Variants in NAV2 observed in about 807,000 individuals in gnomAD.
The protein encoded by NAV2 is neuron navigator 2, also known as helicase, APC down-regulated 1.
In NAV2, 54 loss-of-function variants were observed where a neutral mutation model predicts 223.2. The observed-to-expected ratio is 0.24, with a 90% confidence interval of 0.19 to 0.30. NAV2 has a LOEUF of 0.30. NAV2 is among the 10% of genes least tolerant of loss of function. NAV2 has a pLI of 1.00. For synonymous variants in NAV2, 1,279 were observed against 1,239.3 expected (o/e 1.03, Z -0.67); for missense variants, 2,806 against 3,147.5 (o/e 0.89, Z 2.60).
chr11:19,354,060 T>C (rs1038356224), intron 1 of NAV2, among the ~76,000 whole-genome samples: 5 of 152,362 alleles, frequency 3.3e-5, no homozygotes, highest in Admixed American at 1.3e-4. Context: ...TAATCCCTTA[T>C]AGATGTATAT....
Position 19,933,503 on chromosome 11 carries a change from C to G in NAV2, c.1259C>G (p.Pro420Arg). The G allele has an allele frequency of 6.2e-7, 1 of 1,610,686 alleles. No individual in the cohort carries two copies. The highest frequency in any genetic ancestry group is 8.5e-7 in the Non-Finnish European group (1 of 1,178,606). The change falls in exon 7 of 38, where the codon CCG becomes CGG. Residue 420 changes from proline (P) to arginine (R), a missense_variant. Around this residue, in one of 4 missense-constraint regions of NAV2, gnomAD observed 1,167 missense variants for 1,180.5 expected, o/e 0.99. Coordinates refer to ENST00000349880, the MANE Select transcript of NAV2 (RefSeq NM_145117.5). This position sits in a 1 kb window ranked among gnomAD's most constrained non-coding sequence, Gnocchi z 4.3. Reference protein sequence around the residue: ...SKGGSKAGEGPGSRDTSCERL... With the variant: ...SKGGSKAGEGRGSRDTSCERL... Reference sequence around the variant, plus strand: ...GGGGGCTCAAAGGCAGGTGAGGGGCCGGGGTCCCGGGACACAAGCTGTGAG... The same window carrying G: ...GGGGGCTCAAAGGCAGGTGAGGGGCGGGGGTCCCGGGACACAAGCTGTGAG...
chr11:20,083,183 AGTCT>A lies in NAV2; in HGVS notation c.5498+13_5498+16del. ...GGAATTCTCACTCCAACTCTCTGTAAGTCTGTCTGTCTAGTCAGATAACATCTTT... is the reference window on the plus strand; with the variant it reads ...GGAATTCTCACTCCAACTCTCTGTAAGTCTGTCTAGTCAGATAACATCTTT... On this transcript the variant is annotated splice_donor_5th_base_variant and intron_variant, in intron 26 of 37. Transcript: ENST00000349880. The A allele has an allele frequency of 1.2e-6, 2 of 1,611,142 alleles. No homozygotes were observed. Among genetic ancestry groups the A allele is most frequent in the South Asian group, 2.2e-5 (2 of 90,370 alleles).
chr11:19,651,775 G>A (rs2047974316), intron 1 of NAV2, among the ~76,000 whole-genome samples: 1 of 152,218 alleles, frequency 6.6e-6, no homozygotes, highest in African/African-American at 2.4e-5. Context: ...TTAAGAGCCT[G>A]AGGAGGATCT....
intron 5 of NAV2, among the ~76,000 whole-genome samples, chr11:19,888,548 G>A (rs547094164): frequency 6.6e-6 from 1 of 152,256 alleles, no homozygotes; most frequent in South Asian, 2.1e-4. Flanking sequence ...CTGGTAAACT[G>A]GAAGATATTC....
At chr11:19,465,504 T>C (rs1390967373) in intron 1 of NAV2, among the ~76,000 whole-genome samples, 1 of 152,262 alleles carries the variant, frequency 6.6e-6, no homozygotes, top group East Asian at 1.9e-4. Context: ...ACTTCTGTAA[T>C]TTCCAATTCA....
At chr11:19,650,698 A>G (rs1005709246) in intron 1 of NAV2, among the ~76,000 whole-genome samples, 1 of 152,248 alleles carries the variant, frequency 6.6e-6, no homozygotes. Flanking sequence ...GTAAATGGAT[A>G]TGCAAATTGT....
intron 1 of NAV2, among the ~76,000 whole-genome samples, chr11:19,558,652 G>A (rs2044986718): frequency 6.6e-6 from 1 of 152,188 alleles, no homozygotes; most frequent in Non-Finnish European, 1.5e-5. Flanking sequence ...AATTTATAGA[G>A]CATTTTCACT....
intron 10 of NAV2, among the ~76,000 whole-genome samples, chr11:19,977,996 G>T (rs113463697): frequency 0.059 from 8,673 of 148,026 alleles, 262 homozygotes; most frequent in South Asian, 0.082. Context: ...GTTTTTTTTG[G>T]TTTTTTTTAG....
chr11:20,091,124 C>A, intron 27 of NAV2, 106 bp downstream of exon 27: 2 of 1,176,118 alleles, frequency 1.7e-6, no homozygotes, highest in Non-Finnish European at 2.4e-6. Context: ...TGGTGGCGGC[C>A]CTCGCTTTCC....
At chr11:19,780,307 T>G (rs1048264699) in intron 1 of NAV2, among the ~76,000 whole-genome samples, 3 of 152,188 alleles carry the variant, frequency 2.0e-5, no homozygotes, top group Non-Finnish European at 2.9e-5. Context: ...GGGGATAAGC[T>G]TGGGGCACAG....
intron 1 of NAV2, among the ~76,000 whole-genome samples, chr11:19,807,248 A>G (rs532624426): frequency 7.7e-4 from 118 of 152,318 alleles, no homozygotes; most frequent in South Asian, 1.7e-3. Context: ...CCCTTCCACA[A>G]TACAAACCAA....
chr11:19,453,046 A>G (rs1851842008), intron 1 of NAV2, among the ~76,000 whole-genome samples: 1 of 152,212 alleles, frequency 6.6e-6, no homozygotes. Flanking sequence ...CCAAAATCAC[A>G]TGGCTGGTAA....
At chr11:20,029,605 ACT>A (rs1324431039) in intron 11 of NAV2, among the ~76,000 whole-genome samples, 6 of 151,960 alleles carry the variant, frequency 3.9e-5, no homozygotes, top group African/African-American at 4.8e-5. Flanking sequence ...GGCAGGGAAA[ACT>A]CTGAATTCTC....
intron 11 of NAV2, among the ~76,000 whole-genome samples, chr11:19,986,343 G>A (rs1411031572): frequency 6.6e-6 from 1 of 152,194 alleles, no homozygotes; most frequent in Non-Finnish European, 1.5e-5. Flanking sequence ...AATGAGTCCG[G>A]GCATGGTGGC....
At chr11:20,038,242 A>G (rs1389143092) in intron 12 of NAV2, among the ~76,000 whole-genome samples, 3 of 152,232 alleles carry the variant, frequency 2.0e-5, no homozygotes, top group Non-Finnish European at 4.4e-5. Context: ...CACATCAGAA[A>G]AGGCTGCAGG....
In NAV2 at chr11:20,038,093, C is replaced by T. The variant is rs149934116; in HGVS notation, c.2907+1996C>T. ...CACTGTACTGGAAGAATGTCCTTGC[C>T]TTTGTTCCCTTCTTGCAAAGCTGGA... On this transcript the variant is annotated intron_variant, in intron 12 of 37. Transcript: ENST00000349880. Among the ~76,000 whole-genome samples, 311 of 152,288 alleles carry T rather than the reference C, an allele frequency of 2.0e-3. 3 individuals are homozygous for T. Among genetic ancestry groups the T allele is most frequent in the African/African-American group, 7.1e-3 (296 of 41,556 alleles).
intron 1 of NAV2, among the ~76,000 whole-genome samples, chr11:19,462,730 G>A (rs1852210445): frequency 6.6e-6 from 1 of 152,172 alleles, no homozygotes; most frequent in Non-Finnish European, 1.5e-5. Flanking sequence ...AGCATCCTTA[G>A]CCTCCATCAG....
At chr11:19,400,509 C>G (rs1243368959) in intron 1 of NAV2, among the ~76,000 whole-genome samples, 1 of 152,148 alleles carries the variant, frequency 6.6e-6, no homozygotes, top group Non-Finnish European at 1.5e-5. Context: ...GGAACTGAAG[C>G]CAGGTGGACT....
chr11:19,925,172 A>G (rs1177719469), intron 6 of NAV2, among the ~76,000 whole-genome samples: 1 of 152,184 alleles, frequency 6.6e-6, no homozygotes, highest in Non-Finnish European at 1.5e-5. Context: ...TATTCTGGAT[A>G]TCGGTCACTT....
Sources: allele counts gnomAD v4.1 joint callset (sites outside exome capture counted in the v4.1 genomes callset), GRCh38; gene constraint gnomAD v4.1.1; regional missense constraint gnomAD v4.1.1; non-coding constraint Gnocchi (gnomAD v3.1); transcripts MANE v1.5; gene names NCBI Gene and HGNC (gene_info 2026-07-23, HGNC 2026-07-21).